The following BDP1 variants were observed in gnomAD, a reference collection of about 807,000 sequenced individuals.
BDP1 encodes transcription factor TFIIIB component B'' homolog.
In BDP1, 169 loss-of-function variants were observed where a neutral mutation model predicts 266.6. The observed-to-expected ratio is 0.63, with a 90% CI of 0.56 to 0.72. The LOEUF (loss-of-function observed/expected upper bound fraction) is 0.72, where lower values mean the gene tolerates loss of function less well. BDP1 is among the 30% of genes least tolerant of loss of function. The pLI is 0.00. For missense variants in BDP1, 3,015 were observed against 3,053.8 expected (o/e 0.99, Z 0.30); for synonymous variants, 1,090 against 1,022.4 (o/e 1.07, Z -1.26).
intron 27 of BDP1, 67 bp downstream of exon 27, chr5:71,539,145 G>A (rs1254513737): frequency 9.5e-7 from 1 of 1,056,912 alleles, no homozygotes. Flanking sequence ...TTAATAGTGG[G>A]GATAATAAAT....
At chr5:71,532,249 G>A in intron 25 of BDP1, 59 bp from the exon 26 acceptor site, 1 of 1,490,632 alleles carries the variant, frequency 6.7e-7, no homozygotes, top group Non-Finnish European at 9.2e-7. Context: ...TTGAAGATGA[G>A]GCTTTGTTTT....
rs768443760 is a variant in BDP1, at chr5:71,511,072, G to C, written c.3980G>C (p.Ser1327Thr). The C allele has an allele frequency of 1.6e-5, 26 of 1,614,156 alleles. No homozygotes were observed. The highest frequency in any genetic ancestry group is 2.7e-5 in the African/African-American group (2 of 75,054). ...AGGGAAAACGAGCTAGAGGAGACCA[G>C]TACCTCAAGACAAACTGACACACAT... ...SPRENELEET[S>T]TSRQTDTHLM... Residue 1327 changes from serine to threonine, a missense_variant, in exon 17 of 39, where the codon AGT becomes ACT. Around this residue, in one of 3 missense-constraint regions of BDP1, gnomAD observed 2,383 missense variants for 2,404.9 expected, o/e 0.99. Coordinates refer to ENST00000358731, the MANE Select transcript of BDP1 (RefSeq NM_018429.3).
At chr5:71,470,208 T>C (rs1174342749) in intron 6 of BDP1, among the ~76,000 whole-genome samples, 187 bp from the exon 7 acceptor site, 13 of 151,838 alleles carry the variant, frequency 8.6e-5, no homozygotes, top group Non-Finnish European at 5.9e-5. Flanking sequence ...GGATTATAGG[T>C]GTGAGCCACC....
Position 71,542,221 on chromosome 5 carries a change from C to A in BDP1, c.6368C>A (p.Ser2123Tyr), listed in dbSNP as rs201795846. 1.2e-6 allele frequency: 2 copies of A among 1,612,776 alleles called. No homozygotes were observed. Among genetic ancestry groups the A allele is most frequent in the Non-Finnish European group, 1.7e-6 (2 of 1,179,616 alleles). The stretch of plus-strand genomic sequence containing the variant: ...AGGCTTGATGATTATCAGGAAGTTT[C>A]CAGTTTGTGTGTAACCAAAGGGGCA... ...TNRLDDYQEV[S>Y]SLCVTKGAEM... Residue 2123 changes from serine to tyrosine, a missense_variant, in exon 30 of 39, where the codon TCC (serine) becomes TAC (tyrosine). Physicochemically the swap from Ser to Tyr is moderately radical, Grantham distance 144. Coordinates refer to ENST00000358731, the MANE Select transcript of BDP1 (RefSeq NM_018429.3).
chr5:71,544,214 T>C (rs1283540539), intron 30 of BDP1, 143 bp from the exon 31 acceptor site: 1 of 618,036 alleles, frequency 1.6e-6, no homozygotes, highest in African/African-American at 1.9e-5. Context: ...TTCTGCCATG[T>C]GTATAAGCCT....
chr5:71,562,287 C>T lies in BDP1; in HGVS notation c.7510C>T (p.Pro2504Ser). The T allele has an allele frequency of 2.5e-6, 4 of 1,604,732 alleles. No individual in the cohort carries two copies. The highest frequency in any genetic ancestry group is 4.5e-5 in the East Asian group (2 of 44,686). ...KASLSRPGRR[P>S]LGFLSLICSK... is the part of the protein sequence containing the mutation. ...TTGTATTTCTAGACCTGGCAGAAGA[C>T]CCCTGGGATTTTTATCTTTAATATG... Residue 2504 changes from proline (P) to serine (S), a missense_variant, in exon 38 of 39, where the codon CCC (proline) becomes TCC (serine). By Grantham distance (74) the Pro-to-Ser change is moderately conservative. Transcript: ENST00000358731.
At chr5:71,543,855 T>C (rs553350004) in intron 30 of BDP1, among the ~76,000 whole-genome samples, 1 of 152,330 alleles carries the variant, frequency 6.6e-6, no homozygotes, top group South Asian at 2.1e-4. Flanking sequence ...TTCACAATAT[T>C]GCACTAAACA....
chr5:71,536,426 TTA>T (rs774895961), intron 26 of BDP1, among the ~76,000 whole-genome samples: 49 of 152,192 alleles, frequency 3.2e-4, no homozygotes, highest in Non-Finnish European at 5.6e-4. Context: ...TCACAGCACA[TTA>T]ACAAAATTAT....
chr5:71,490,348 T>A (rs561593428), intron 10 of BDP1, among the ~76,000 whole-genome samples: 1 of 152,224 alleles, frequency 6.6e-6, no homozygotes, highest in South Asian at 2.1e-4. Context: ...GTATGCTTTG[T>A]AGGCATCTCA....
rs769001396 is a variant in BDP1 at position 71,455,951 on chromosome 5, C to G, written c.74C>G (p.Ser25Cys). ...PGVGARGSTASNPQRGRESPR... is the reference protein window; with the variant it reads ...PGVGARGSTACNPQRGRESPR... ...GTAGGCGCCAGGGGCTCCACAGCTT[C>G]CAATCCCCAGCGTGGACGGGAGTCT... The change falls in exon 1 of 39, where the codon TCC becomes TGC. Residue 25 changes from serine (S) to cysteine (C), a missense_variant. Around this residue, in one of 3 missense-constraint regions of BDP1, gnomAD observed 2,383 missense variants for 2,404.9 expected, o/e 0.99. Transcript: ENST00000358731. The G allele has an allele frequency of 6.2e-7, 1 of 1,612,892 alleles. No homozygotes were observed. The highest frequency in any genetic ancestry group is 8.5e-7 in the Non-Finnish European group (1 of 1,179,714).
chr5:71,465,039 G>A (rs903891001), intron 4 of BDP1, among the ~76,000 whole-genome samples: 1 of 151,532 alleles, frequency 6.6e-6, no homozygotes, highest in Non-Finnish European at 1.5e-5. Flanking sequence ...TTTTTGAAGA[G>A]TTTTTTTTCA....
chr5:71,461,963 T>C, intron 3 of BDP1, 37 bp downstream of exon 3: 2 of 1,060,598 alleles, frequency 1.9e-6, no homozygotes, highest in Non-Finnish European at 2.8e-6. Context: ...TATCTCTTTT[T>C]TTTTTTTTTT....
At chr5:71,527,768 C>T (rs189349606) in intron 25 of BDP1, among the ~76,000 whole-genome samples, 4 of 151,322 alleles carry the variant, frequency 2.6e-5, no homozygotes, top group South Asian at 2.1e-4. Flanking sequence ...TTACTTTTTG[C>T]GGGATATACC....
chr5:71,460,250 C>T (rs1446251094), intron 2 of BDP1, among the ~76,000 whole-genome samples: 1 of 152,174 alleles, frequency 6.6e-6, no homozygotes, highest in Non-Finnish European at 1.5e-5. Context: ...TGTGGTGGTG[C>T]ACGCCTGTAA....
At chr5:71,480,866 A>T (rs1173558513) in intron 7 of BDP1, among the ~76,000 whole-genome samples, 5 of 152,146 alleles carry the variant, frequency 3.3e-5, no homozygotes, top group Admixed American at 3.3e-4. Context: ...TGCCCGGCCA[A>T]CCGTGAGTTT....
In BDP1 at chr5:71,455,744, C is replaced by G. The variant is rs888742524; in HGVS notation, c.-134C>G. 21 of 745,464 alleles carry G rather than the reference C, an allele frequency of 2.8e-5. 1 individual carries two copies. The highest frequency in any genetic ancestry group is 4.1e-5 in the Non-Finnish European group (19 of 462,826). The allele number at this position is 745,464 out of a possible 1,614,324, so 46.2% of individuals were successfully genotyped here. ...AGGCGGCGGCGGGGCAGTGAAACTACGGTAGCTGCCCCCTGAGCTGGTGGT... is the reference window on the plus strand; with the variant it reads ...AGGCGGCGGCGGGGCAGTGAAACTAGGGTAGCTGCCCCCTGAGCTGGTGGT... On this transcript the variant is annotated 5_prime_UTR_variant, in exon 1 of 39. Transcript: ENST00000358731.
At chr5:71,535,685 G>A (rs949257804) in intron 26 of BDP1, among the ~76,000 whole-genome samples, 2 of 152,044 alleles carry the variant, frequency 1.3e-5, no homozygotes, top group African/African-American at 4.8e-5. Flanking sequence ...GTTCCTTCTG[G>A]AGGCTCTGAG....
chr5:71,488,752 G>A (rs1233522931), intron 9 of BDP1, among the ~76,000 whole-genome samples: 4 of 149,882 alleles, frequency 2.7e-5, no homozygotes, highest in African/African-American at 9.9e-5. Context: ...TTGTTGCCCA[G>A]GCTGGAGTGC....
rs1294523763 is a variant in BDP1, at chr5:71,516,117, C to T, written c.4706C>T (p.Ala1569Val). Residue 1569 changes from alanine (A) to valine (V), a missense_variant, in exon 21 of 39, where the codon GCT becomes GTT. Physicochemically the swap from Ala to Val is moderately conservative, Grantham distance 64 (BLOSUM62 0). Around this residue, in one of 3 missense-constraint regions of BDP1, gnomAD observed 2,383 missense variants for 2,404.9 expected, o/e 0.99. Coordinates refer to ENST00000358731, the MANE Select transcript of BDP1 (RefSeq NM_018429.3). ...ATGAAGGAAAGTGTTATCCAAACTG[C>T]TCGACAAGTAAGGGGCCGACTTCAG... is the stretch of plus-strand genomic sequence containing the variant. ...QEMKESVIQT[A>V]RQVRGRLQRP... The T allele has an allele frequency of 6.2e-7, 1 of 1,612,086 alleles. No homozygotes were observed. The highest frequency in any genetic ancestry group is 1.7e-5 in the Admixed American group (1 of 59,864).
Sources: gnomAD v4.1 joint callset for allele counts (sites outside exome capture counted in the v4.1 genomes callset) on GRCh38, gnomAD v4.1.1 for gene constraint, gnomAD v4.1.1 regional missense constraint, MANE v1.5 for transcripts, NCBI Gene and HGNC (gene_info 2026-07-23, HGNC 2026-07-21) for gene names.